Variants in OCRL observed in about 807,000 individuals in gnomAD.
OCRL encodes OCRL inositol polyphosphate-5-phosphatase, also known as inositol polyphosphate 5-phosphatase OCRL.
A neutral mutation model predicts 78.9 loss-of-function variants in OCRL; 8 were observed. The observed-to-expected ratio is 0.10, with a 90% confidence interval of 0.06 to 0.18. The LOEUF (loss-of-function observed/expected upper bound fraction) is 0.18, where lower values mean the gene tolerates loss of function less well. OCRL is among the 10% of genes least tolerant of loss of function. The pLI is 1.00. For synonymous variants in OCRL, 240 were observed against 235.4 expected (o/e 1.02, Z -0.18); for missense variants, 454 against 696.7 (o/e 0.65, Z 3.92).
rs1602762008 is a variant in OCRL at position 129,540,359 on chromosome X, G to T, written c.-81G>T. ...TCCTCAAACGACACGCAGCCGAGGT[G>T]GGTGGGTGTGGGGACGCGGGAGCCA... On this transcript the variant is annotated 5_prime_UTR_variant, in exon 1 of 24. Coordinates refer to ENST00000371113, the MANE Select transcript of OCRL (RefSeq NM_000276.4). 5.9e-6 allele frequency: 6 copies of T among 1,020,256 alleles called. No individual in the cohort carries two copies. The highest frequency in any genetic ancestry group is 3.8e-5 in the African/African-American group (2 of 53,003). 84.1% of individuals were successfully genotyped at this position (1,020,256 alleles called of 1,213,427 possible). A position where few individuals can be genotyped will look rare whatever the true frequency, so the allele number is the denominator to read the frequency against.
intron 15 of OCRL, 99 bp from the exon 16 acceptor site, chrX:129,575,041 A>C: frequency 3.3e-6 from 2 of 599,611 alleles, no homozygotes; most frequent in Non-Finnish European, 5.8e-6. Flanking sequence ...GTTTATTTTA[A>C]ATAGTTACTG....
chrX:129,564,771 A>G (rs1602788505), intron 12 of OCRL, among the ~76,000 whole-genome samples: 1 of 110,680 alleles, frequency 9.0e-6, no homozygotes, highest in East Asian at 2.8e-4. Context: ...ACCTAATGCT[A>G]AATGACGAGT....
chrX:129,571,451 G>A (rs751444116), intron 15 of OCRL, among the ~76,000 whole-genome samples: 11 of 98,259 alleles, frequency 1.1e-4, no homozygotes, highest in Admixed American at 2.3e-4. Flanking sequence ...TGCAAGCTCC[G>A]CCTCCTGGGT....
intron 19 of OCRL, 31 bp downstream of exon 19, chrX:129,584,398 T>C (rs1936484334): frequency 8.5e-7 from 1 of 1,173,962 alleles, no homozygotes; most frequent in African/African-American, 1.8e-5. Context: ...TTATGAGAGT[T>C]TCCCTGTGCT....
At position 129,540,259 on chromosome X, in the gene OCRL, C is replaced by T. The variant is rs1171647200; in HGVS notation, c.-181C>T. On this transcript the variant is annotated 5_prime_UTR_variant, in exon 1 of 24. Coordinates refer to ENST00000371113, the MANE Select transcript of OCRL (RefSeq NM_000276.4). ...ACTGGCGGGGGCGCGAGGCGCCGCT[C>T]TCTCTTGGGTCAGATTCTCAGCTCC... is the stretch of plus-strand genomic sequence containing the variant. The T allele has an allele frequency of 2.1e-5, 10 of 487,512 alleles. No individual in the cohort carries two copies. Among genetic ancestry groups the T allele is most frequent in the Non-Finnish European group, 2.7e-5 (8 of 295,379 alleles). 40.2% of individuals were successfully genotyped at this position (487,512 alleles called of 1,213,427 possible). A position where few individuals can be genotyped will look rare whatever the true frequency, so the allele number is the denominator to read the frequency against.
chrX:129,542,423 T>G (rs1935820359), intron 2 of OCRL, among the ~76,000 whole-genome samples: 1 of 110,529 alleles, frequency 9.0e-6, no homozygotes, highest in South Asian at 3.8e-4. Context: ...GTTTTAAATA[T>G]ATATAAACTA....
chrX:129,561,328 A>AC (rs1209963603), intron 10 of OCRL, 35 bp downstream of exon 10: 1 of 861,998 alleles, frequency 1.2e-6, no homozygotes, highest in Admixed American at 2.2e-5. Flanking sequence ...TAAGTGTATG[A>AC]CTAAATAGGG....
chrX:129,566,326 G>A (rs1278817559), intron 13 of OCRL, among the ~76,000 whole-genome samples: 1 of 112,164 alleles, frequency 8.9e-6, no homozygotes, highest in Non-Finnish European at 1.9e-5. Flanking sequence ...AGGGGAACTG[G>A]GAAGTACAGA....
At chrX:129,585,272 T>G (rs904484184) in intron 19 of OCRL, among the ~76,000 whole-genome samples, 11 of 112,389 alleles carry the variant, frequency 9.8e-5, no homozygotes, top group Admixed American at 1.9e-4. Context: ...TGACACTTTA[T>G]TAACCTTTTT....
At chrX:129,587,340 G>A (rs944590209) in intron 20 of OCRL, among the ~76,000 whole-genome samples, 3 of 111,246 alleles carry the variant, frequency 2.7e-5, no homozygotes, top group East Asian at 5.7e-4. Context: ...AAGTGTAGTT[G>A]TGGCAGAGCC....
chrX:129,587,289 T>G (rs1235483157), intron 20 of OCRL, among the ~76,000 whole-genome samples, 171 bp downstream of exon 20: 1 of 111,635 alleles, frequency 9.0e-6, no homozygotes, highest in Non-Finnish European at 1.9e-5. Flanking sequence ...ATGTCACAGC[T>G]GAAGCATGTA....
chrX:129,545,184 A>G (rs1407062727), intron 3 of OCRL, 147 bp downstream of exon 3: 9 of 458,721 alleles, frequency 2.0e-5, no homozygotes, highest in Non-Finnish European at 3.1e-5. Context: ...TGAGGAGATG[A>G]TACTTTCTCT....
chrX:129,552,888 C>G (rs964895302), intron 4 of OCRL, among the ~76,000 whole-genome samples: 2 of 112,282 alleles, frequency 1.8e-5, no homozygotes, highest in African/African-American at 6.5e-5. Flanking sequence ...AATACAGTAG[C>G]CACTGGCTAC....
At chrX:129,571,998 C>T (rs1291275528) in intron 15 of OCRL, among the ~76,000 whole-genome samples, 1 of 111,703 alleles carries the variant, frequency 9.0e-6, no homozygotes, top group East Asian at 2.8e-4. Context: ...CTGTGCTGTC[C>T]AGTCCAGTGG....
chrX:129,570,001 G>A (rs1031464317), intron 15 of OCRL, among the ~76,000 whole-genome samples: 5 of 109,937 alleles, frequency 4.5e-5, no homozygotes, highest in Non-Finnish European at 9.5e-5. Flanking sequence ...GAGCCACCGT[G>A]CCCAGCGAAT....
At chrX:129,568,787 A>G (rs1479780619) in intron 14 of OCRL, among the ~76,000 whole-genome samples, 3 of 112,609 alleles carry the variant, frequency 2.7e-5, no homozygotes, top group African/African-American at 9.7e-5. Flanking sequence ...ATTCCTCTCC[A>G]AAAATTAAGC....
rs1246258589 is a variant in OCRL, at chrX:129,575,170, A to G, written c.1633A>G (p.Lys545Glu). 1 of 1,208,869 alleles carries G rather than the reference A, an allele frequency of 8.3e-7. No individual in the cohort carries two copies. Among genetic ancestry groups the G allele is most frequent in the Middle Eastern group, 2.3e-4 (1 of 4,341 alleles). The change falls in exon 16 of 24, where the codon AAA becomes GAA. Residue 545 changes from lysine to glutamate, a missense_variant. By Grantham distance (56) the Lys-to-Glu change is moderately conservative. This residue lies in a region of OCRL where 277 missense variants were observed against 517.1 expected (regional missense o/e 0.54). Coordinates refer to ENST00000371113, the MANE Select transcript of OCRL (RefSeq NM_000276.4). ...VKVVDERRYR[K>E]VFEDSVRIMD... ...GGTTGTGGATGAACGAAGGTACCGG[A>G]AAGTCTTTGAAGATAGTGTACGCAT...
Position 129,557,893 on chromosome X carries a change from G to T in OCRL, c.382G>T (p.Asp128Tyr). ...ACAGCTTCTTGTTCCAGAGCAAAAG[G>T]ACTCATCTAGCTGGTACCAGAAATT... ...QSQLLVPEQK[D>Y]SSSWYQKLDT... is the part of the protein sequence containing the mutation. Residue 128 changes from aspartate to tyrosine, a missense_variant, in exon 6 of 24, where the codon GAC becomes TAC. This residue lies in a region of OCRL where 177 missense variants were observed against 179.6 expected (regional missense o/e 0.99). Coordinates refer to ENST00000371113, the MANE Select transcript of OCRL (RefSeq NM_000276.4). 1.7e-6 allele frequency: 2 copies of T among 1,205,184 alleles called. No individual in the cohort carries two copies.
chrX:129,585,710 AAAAG>A (rs1309169959), intron 19 of OCRL, among the ~76,000 whole-genome samples: 1 of 111,951 alleles, frequency 8.9e-6, no homozygotes, highest in East Asian at 2.8e-4. Context: ...GTGGGGAAAA[AAAAG>A]AAAGATTTTA....
Sources: allele counts gnomAD v4.1 joint callset (sites outside exome capture counted in the v4.1 genomes callset), GRCh38; gene constraint gnomAD v4.1.1; regional missense constraint gnomAD v4.1.1; transcripts MANE v1.5; gene names NCBI Gene and HGNC (gene_info 2026-07-23, HGNC 2026-07-21).